The following SETX variants were observed in gnomAD, a reference collection of about 807,000 sequenced individuals.
SETX encodes senataxin.
In SETX, 90 loss-of-function variants were observed where a neutral mutation model predicts 227.2. That is an observed-to-expected ratio of 0.40 (90% CI 0.33 to 0.47). SETX has a LOEUF of 0.47. Ranked by LOEUF, SETX falls within the 20% of genes least tolerant of loss-of-function variation. The pLI, the probability that SETX is intolerant of heterozygous loss-of-function variation, is 0.91. For missense variants in SETX, 3,052 were observed against 3,181.5 expected, an observed-to-expected ratio of 0.96 and a Z score of 0.98; for synonymous variants, 1,210 against 1,113.2, an observed-to-expected ratio of 1.09 and a Z score of -1.73.
intron 11 of SETX, among the ~76,000 whole-genome samples, chr9:132,309,534 G>A (rs1316350681): frequency 6.6e-6 from 1 of 152,052 alleles, no homozygotes; most frequent in East Asian, 1.9e-4. Context: ...CTTTTTTATA[G>A]AGCTTTAAAA....
chr9:132,314,902 TTG>T (rs1564523500), intron 10 of SETX, among the ~76,000 whole-genome samples: 4 of 143,300 alleles, frequency 2.8e-5, no homozygotes, highest in Non-Finnish European at 3.0e-5. Flanking sequence ...TATTATTTTA[TTG>T]TGTTTTTTTT....
At chr9:132,307,335 TAA>T (rs1181036290) in intron 11 of SETX, among the ~76,000 whole-genome samples, 1 of 139,358 alleles carries the variant, frequency 7.2e-6, no homozygotes, top group Admixed American at 6.9e-5. Flanking sequence ...CAGAGCTAAA[TAA>T]GTTTTTTTTT....
At chr9:132,325,551 C>A (rs1052480300) in intron 10 of SETX, among the ~76,000 whole-genome samples, 2 of 152,230 alleles carry the variant, frequency 1.3e-5, no homozygotes, top group African/African-American at 4.8e-5. Context: ...TTCCTTTACC[C>A]GTGCGTCAAT....
Position 132,320,908 on chromosome 9 carries a change from TG to T in SETX, c.5274+5415del, listed in dbSNP as rs1846285159. 1.3e-5 allele frequency among the ~76,000 whole-genome samples: 2 copies of T among 152,118 alleles called. 1 individual carries two copies. The highest frequency in any genetic ancestry group is 4.1e-4 in the South Asian group (2 of 4,824). ...AACTAACTCAGCAAGCCCAAGAACG[TG>T]AACTCCAACTGGGAAGCAACAGCTC... On this transcript the variant is annotated intron_variant, in intron 10 of 25. Transcript: ENST00000224140.
chr9:132,333,367 G>T (rs1336105287), intron 7 of SETX, among the ~76,000 whole-genome samples: 1 of 110,376 alleles, frequency 9.1e-6, no homozygotes, highest in African/African-American at 3.5e-5. Flanking sequence ...GAGAGAGAAA[G>T]ACTTGGTCTC....
Position 132,329,553 on chromosome 9 carries a change from T to C in SETX, c.2045A>G (p.His682Arg), listed in dbSNP as rs373850132. 37 of 1,613,332 alleles carry C rather than the reference T, an allele frequency of 2.3e-5. No homozygotes were observed. The highest frequency in any genetic ancestry group is 2.9e-5 in the Non-Finnish European group (34 of 1,179,992). ...NYIKDVKLED[H>R]LLAGSCLKQS... is the part of the protein sequence containing the mutation. ...CTTTAAGCATGACCCAGCTAAGAGA[T>C]GGTCCTCTAGTTTCACATCCTTTAT... The change falls in exon 10 of 26, where the codon CAT (histidine) becomes CGT (arginine). Residue 682 changes from histidine (H) to arginine (R), a missense_variant. His to Arg is a conservative substitution (Grantham distance 29). Coordinates refer to ENST00000224140, the MANE Select transcript of SETX (RefSeq NM_015046.7).
chr9:132,334,246 G>A (rs1847448544), intron 7 of SETX, among the ~76,000 whole-genome samples: 2 of 152,174 alleles, frequency 1.3e-5, no homozygotes, highest in Non-Finnish European at 1.5e-5. Flanking sequence ...AAGAGTTCAA[G>A]ACCAGCCTGA....
intron 15 of SETX, among the ~76,000 whole-genome samples, chr9:132,292,247 G>A (rs954336940): frequency 4.0e-5 from 6 of 151,746 alleles, no homozygotes; most frequent in Non-Finnish European, 2.9e-5. Flanking sequence ...TGGGCAACAC[G>A]AGGAGACCCT....
At chr9:132,305,969 T>C (rs1845314382) in intron 11 of SETX, among the ~76,000 whole-genome samples, 1 of 152,176 alleles carries the variant, frequency 6.6e-6, no homozygotes, top group Non-Finnish European at 1.5e-5. Flanking sequence ...TTGGTGAAGG[T>C]TATAGGAACT....
Position 132,328,970 on chromosome 9 carries a change from A to C in SETX, c.2628T>G (p.Ile876Met), listed in dbSNP as rs1847037887. ...EKQLKNEELV[I>M]FSFHENNCKI... ...TACAATTGTTTTCATGGAAAGAGAA[A>C]ATAACTAATTCTTCATTCTTTAATT... Residue 876 changes from isoleucine to methionine, a missense_variant, in exon 10 of 26, where the codon ATT becomes ATG. By Grantham distance (10) the Ile-to-Met change is conservative. Transcript: ENST00000224140. 2 of 1,608,704 alleles carry C rather than the reference A, an allele frequency of 1.2e-6. No homozygotes were observed. The highest frequency in any genetic ancestry group is 2.7e-5 in the African/African-American group (2 of 74,706).
At chr9:132,305,564 T>TC (rs974448275) in intron 11 of SETX, among the ~76,000 whole-genome samples, 8 of 152,230 alleles carry the variant, frequency 5.3e-5, no homozygotes, top group African/African-American at 1.7e-4. Flanking sequence ...GTCATGTACC[T>TC]CCCAATCTGA....
chr9:132,336,154 A>G, intron 6 of SETX, 142 bp downstream of exon 6: 1 of 704,788 alleles, frequency 1.4e-6, no homozygotes, highest in Non-Finnish European at 2.5e-6. Flanking sequence ...AAGGCAGGAG[A>G]ATTGCTTGAA....
chr9:132,334,779 T>C (rs1307481386), intron 6 of SETX, 52 bp from the exon 7 acceptor site: 150 of 1,595,352 alleles, frequency 9.4e-5, no homozygotes, highest in Non-Finnish European at 1.3e-4. Flanking sequence ...ACTATACTAA[T>C]GCCTGGTTTA....
chr9:132,263,584 CTCTA>C lies in SETX; in HGVS notation c.*651_*654del, dbSNP rs1295726482. 2 of 152,390 alleles carry C rather than the reference CTCTA, an allele frequency of 1.3e-5. No individual in the cohort carries two copies. The highest frequency in any genetic ancestry group is 4.8e-5 in the African/African-American group (2 of 41,408). The allele number at this position is 152,390 out of a possible 1,614,324, so 9.4% of individuals were successfully genotyped here. ...AAATATAATACCCTGGGCCAATGCA[CTCTA>C]TCTAAAAATGCACCATGTCAGCAAG... is the stretch of plus-strand genomic sequence containing the variant. On this transcript the variant is annotated 3_prime_UTR_variant, in exon 26 of 26. Coordinates refer to ENST00000224140, the MANE Select transcript of SETX (RefSeq NM_015046.7).
At position 132,334,743 on chromosome 9, in the gene SETX, G is replaced by C; in HGVS notation, c.719-16C>G. 6.2e-7 allele frequency: 1 copy of C among 1,613,466 alleles called. No individual in the cohort carries two copies. The highest frequency in any genetic ancestry group is 8.5e-7 in the Non-Finnish European group (1 of 1,179,536). The stretch of plus-strand genomic sequence containing the variant: ...ATGCAAATACCTGTAAGATCATTTA[G>C]AGTTATCTTGAATTGATGAAATAAT... On this transcript the variant is annotated splice_polypyrimidine_tract_variant and intron_variant, in intron 6 of 25. Coordinates refer to ENST00000224140, the MANE Select transcript of SETX (RefSeq NM_015046.7).
At position 132,327,415 on chromosome 9, in the gene SETX, C is replaced by T; in HGVS notation, c.4183G>A (p.Asp1395Asn). Residue 1395 changes from aspartate to asparagine, a missense_variant, in exon 10 of 26, where the codon GAT becomes AAT. Physicochemically the swap from Asp to Asn is conservative, Grantham distance 23 (BLOSUM62 1). Coordinates refer to ENST00000224140, the MANE Select transcript of SETX (RefSeq NM_015046.7). ...DIFVPESDRS[D>N]YNCTGGTEVL... The stretch of plus-strand genomic sequence containing the variant: ...TCAGTTCCTCCTGTACAATTATAAT[C>T]TGACCTATCAGATTCTGGTACAAAT... 4 of 1,614,186 alleles carry T rather than the reference C, an allele frequency of 2.5e-6. No homozygotes were observed. Among genetic ancestry groups the T allele is most frequent in the Non-Finnish European group, 2.5e-6 (3 of 1,180,016 alleles).
intron 15 of SETX, among the ~76,000 whole-genome samples, chr9:132,292,723 G>A (rs549873018): frequency 2.0e-4 from 30 of 147,888 alleles, no homozygotes; most frequent in African/African-American, 7.0e-4. Flanking sequence ...TCCGCCTCCC[G>A]GGTTCACCCC....
In SETX at chr9:132,326,935, G is replaced by C. The variant is rs558075773; in HGVS notation, c.4663C>G (p.Leu1555Val). The change falls in exon 10 of 26, where the codon CTT becomes GTT. Residue 1555 changes from leucine (L) to valine (V), a missense_variant. Physicochemically the swap from Leu to Val is conservative, Grantham distance 32. Transcript: ENST00000224140. Reference sequence around the variant, plus strand: ...TCACCCTGGTTTTTTGTGGTTTCAAGACAATCTTTGTACTTACACTTTGTG... The same window carrying C: ...TCACCCTGGTTTTTTGTGGTTTCAACACAATCTTTGTACTTACACTTTGTG... ...SGTKCKYKDCLETTKNQGEYC... is the reference protein window; with the variant it reads ...SGTKCKYKDCVETTKNQGEYC... 47 of 1,614,134 alleles carry C rather than the reference G, an allele frequency of 2.9e-5. No homozygotes were observed. In the South Asian group the frequency reaches 4.9e-4, roughly 17 times the overall value.
intron 6 of SETX, among the ~76,000 whole-genome samples, chr9:132,336,018 G>A (rs1055772016): frequency 6.6e-6 from 1 of 152,268 alleles, no homozygotes; most frequent in Middle Eastern, 3.4e-3. Context: ...AGGGTGGGCA[G>A]ATCACTTGAT....
Sources: gnomAD v4.1 joint callset for allele counts (sites outside exome capture counted in the v4.1 genomes callset) on GRCh38, gnomAD v4.1.1 for gene constraint, MANE v1.5 for transcripts, NCBI Gene and HGNC (gene_info 2026-07-23, HGNC 2026-07-21) for gene names.